Variants in FUBP3 observed in about 807,000 individuals in gnomAD.
FUBP3 encodes far upstream element binding protein 3, also known as far upstream element-binding protein 3.
In FUBP3, 28 loss-of-function variants were observed where a neutral mutation model predicts 85.6. That is an observed-to-expected ratio of 0.33 (90% CI 0.24 to 0.45). FUBP3 has a LOEUF of 0.45. FUBP3 is among the 20% of genes least tolerant of loss of function. The probability of loss-of-function intolerance (pLI) is 1.00; values close to 1 mark genes in which losing one functional copy is unlikely to be tolerated. For missense variants in FUBP3, 583 were observed against 755.1 expected, an observed-to-expected ratio of 0.77 and a Z score of 2.67; for synonymous variants, 271 against 271.4, an observed-to-expected ratio of 1.00 and a Z score of 0.01.
chr9:130,589,407 G>A (rs1300401919), intron 1 of FUBP3, among the ~76,000 whole-genome samples: 3 of 145,236 alleles, frequency 2.1e-5, no homozygotes, highest in African/African-American at 7.3e-5. Context: ...GCAATGGCTC[G>A]ATCTCGGCTC....
chr9:130,615,929 T>G (rs991877529), intron 6 of FUBP3, among the ~76,000 whole-genome samples: 3 of 152,222 alleles, frequency 2.0e-5, no homozygotes, highest in Non-Finnish European at 4.4e-5. Context: ...TTGCTGGCTC[T>G]CTCTCCTGCC....
At chr9:130,614,137 C>G in intron 5 of FUBP3, 151 bp from the exon 6 acceptor site, 1 of 536,488 alleles carries the variant, frequency 1.9e-6, no homozygotes, top group Non-Finnish European at 3.4e-6. Flanking sequence ...GCTTAATATT[C>G]TGTCCACAAG....
At chr9:130,634,569 G>C in intron 16 of FUBP3, 98 bp from the exon 17 acceptor site, 1 of 899,842 alleles carries the variant, frequency 1.1e-6, no homozygotes, top group Non-Finnish European at 1.7e-6. Flanking sequence ...GGCCAGGAGC[G>C]AGGTGGAGGA....
intron 1 of FUBP3, among the ~76,000 whole-genome samples, chr9:130,589,706 T>TATA (rs71499252): frequency 4.0e-3 from 161 of 39,870 alleles, no homozygotes; most frequent in Non-Finnish European, 5.4e-3. Flanking sequence ...TATATATATA[T>TATA]TTTTTTTTTT....
intron 2 of FUBP3, among the ~76,000 whole-genome samples, chr9:130,606,666 C>CA (rs1366223863): frequency 6.6e-6 from 1 of 151,954 alleles, no homozygotes; most frequent in Non-Finnish European, 1.5e-5. Context: ...ACTAAAAATA[C>CA]AAAATTAGCC....
chr9:130,605,840 C>T (rs1428420519), intron 2 of FUBP3, among the ~76,000 whole-genome samples: 1 of 152,156 alleles, frequency 6.6e-6, no homozygotes, highest in Non-Finnish European at 1.5e-5. Context: ...AAAAATTAGC[C>T]AGGCATGGCG....
At chr9:130,579,951 C>G (rs1830061368) in intron 1 of FUBP3, among the ~76,000 whole-genome samples, 187 bp downstream of exon 1, 1 of 152,214 alleles carries the variant, frequency 6.6e-6, no homozygotes, top group Non-Finnish European at 1.5e-5. Context: ...GAGGCCCAGG[C>G]CCGGCCTGTC....
chr9:130,580,689 G>T (rs1298641882), intron 1 of FUBP3: 1 of 152,112 alleles, frequency 6.6e-6, no homozygotes, highest in Non-Finnish European at 1.5e-5. Context: ...ATTAGAAGAA[G>T]GTCTTCACTC....
intron 12 of FUBP3, among the ~76,000 whole-genome samples, chr9:130,627,404 C>G (rs1338098685): frequency 6.6e-6 from 1 of 152,198 alleles, no homozygotes; most frequent in Non-Finnish European, 1.5e-5. Context: ...ACCAAATACC[C>G]CTTAGCTGCT....
At chr9:130,604,095 A>G (rs1423939719) in intron 2 of FUBP3, among the ~76,000 whole-genome samples, 1 of 152,220 alleles carries the variant, frequency 6.6e-6, no homozygotes, top group Non-Finnish European at 1.5e-5. Flanking sequence ...AACTTGGATC[A>G]ATCTCCAGGG....
intron 1 of FUBP3, chr9:130,581,472 C>T (rs1044355517): frequency 6.6e-6 from 1 of 152,194 alleles, no homozygotes; most frequent in Non-Finnish European, 1.5e-5. Context: ...TCCATACTAT[C>T]TCCAAGGATT....
In FUBP3 at chr9:130,620,449, C is replaced by T; in HGVS notation, c.762C>T (p.Gly254=). 1 of 1,566,010 alleles carries T rather than the reference C, an allele frequency of 6.4e-7. No individual in the cohort carries two copies. The highest frequency in any genetic ancestry group is 8.8e-7 in the Non-Finnish European group (1 of 1,140,252). The change falls in exon 9 of 19, where the codon GGC becomes GGT. Residue 254 remains glycine (G), a synonymous_variant. Transcript: ENST00000319725. ...RGDFNSRMGG[G]SIEVSVPRFA... is the part of the protein sequence containing the mutation. ...ATTTCAACTCTCGAATGGGAGGAGGCAGTATAGAGGTATGCTTAAATTACA... is the reference window on the plus strand; with the variant it reads ...ATTTCAACTCTCGAATGGGAGGAGGTAGTATAGAGGTATGCTTAAATTACA...
intron 12 of FUBP3, among the ~76,000 whole-genome samples, chr9:130,627,940 C>T (rs1488816147): frequency 6.6e-6 from 1 of 152,158 alleles, no homozygotes; most frequent in African/African-American, 2.4e-5. Context: ...ACAAAGTCAT[C>T]CTGAGTGATT....
In FUBP3 at chr9:130,634,026, C is replaced by T. The variant is rs774623124; in HGVS notation, c.1511-641C>T. On this transcript the variant is annotated intron_variant, in intron 16 of 18. Coordinates refer to ENST00000319725, the MANE Select transcript of FUBP3 (RefSeq NM_003934.2). ...CCGCCACTGTGGTCAAGTCTTTGAA[C>T]CCCCTCTTGTGCCTGGCAGGGTGCT... Among the ~76,000 whole-genome samples, 13 of 152,306 alleles carry T rather than the reference C, an allele frequency of 8.5e-5. 1 individual carries two copies. The highest frequency in any genetic ancestry group is 1.8e-4 in the Non-Finnish European group (12 of 68,028).
intron 8 of FUBP3, among the ~76,000 whole-genome samples, chr9:130,618,212 A>G (rs1424072477): frequency 6.6e-6 from 1 of 152,192 alleles, no homozygotes; most frequent in Non-Finnish European, 1.5e-5. Flanking sequence ...TGTGCAGAAC[A>G]TTTCCGAGCT....
chr9:130,622,630 C>CAAAAA (rs35428077), intron 9 of FUBP3, 78 bp from the exon 10 acceptor site: 400 of 507,680 alleles, frequency 7.9e-4, no homozygotes, highest in Non-Finnish European at 8.7e-4. Flanking sequence ...GACTCAGTCT[C>CAAAAA]AAAAAAAAAA....
intron 12 of FUBP3, among the ~76,000 whole-genome samples, chr9:130,626,739 C>T (rs964476207): frequency 6.6e-6 from 1 of 152,216 alleles, no homozygotes; most frequent in Non-Finnish European, 1.5e-5. Context: ...TATGAAGAGA[C>T]AGCAGTAAAA....
chr9:130,626,431 T>C lies in FUBP3; in HGVS notation c.1043T>C (p.Val348Ala). ...GRGRGRGDWS[V>A]GAPGGVQEIT... ...GGTCGTGGCCGTGGCGACTGGAGCG[T>C]GGGAGCCCCTGGTGGCGTCCAGGAG... Residue 348 changes from valine (V) to alanine (A), a missense_variant, in exon 12 of 19, where the codon GTG becomes GCG. Val to Ala is a moderately conservative substitution (Grantham distance 64). This residue lies in a region of FUBP3 where 404 missense variants were observed against 516.8 expected (regional missense o/e 0.78). Coordinates refer to ENST00000319725, the MANE Select transcript of FUBP3 (RefSeq NM_003934.2). The C allele has an allele frequency of 6.2e-7, 1 of 1,614,104 alleles. No individual in the cohort carries two copies. Among genetic ancestry groups the C allele is most frequent in the Non-Finnish European group, 8.5e-7 (1 of 1,180,006 alleles).
intron 2 of FUBP3, among the ~76,000 whole-genome samples, chr9:130,603,620 G>A (rs1056006249): frequency 6.6e-6 from 1 of 152,130 alleles, no homozygotes; most frequent in African/African-American, 2.4e-5. Context: ...GTGGACAGTT[G>A]GCTTAGCCAG....
Sources: allele counts gnomAD v4.1 joint callset (sites outside exome capture counted in the v4.1 genomes callset), GRCh38; gene constraint gnomAD v4.1.1; regional missense constraint gnomAD v4.1.1; transcripts MANE v1.5; gene names NCBI Gene and HGNC (gene_info 2026-07-23, HGNC 2026-07-21).